Variants in RGS22 observed in about 807,000 individuals in gnomAD.
RGS22 encodes regulator of G protein signaling 22.
Under a neutral mutation model 172.9 loss-of-function variants are expected in RGS22, and 148 were observed. That is an observed-to-expected ratio of 0.86 (90% CI 0.75 to 0.98). The LOEUF is 0.98. RGS22 is among the 50% of genes least tolerant of loss of function. The pLI, the probability that RGS22 is intolerant of heterozygous loss-of-function variation, is 0.00. For synonymous variants in RGS22, 458 were observed against 480.2 expected (o/e 0.95, Z 0.60); for missense variants, 1,347 against 1,440.8 (o/e 0.93, Z 1.05).
chr8:99,967,670 C>T (rs529825977), intron 23 of RGS22, among the ~76,000 whole-genome samples: 2 of 152,188 alleles, frequency 1.3e-5, no homozygotes, highest in African/African-American at 4.8e-5. Context: ...TGTGGCCAGA[C>T]TGCCTCTCTA....
rs192260634 is a variant in RGS22, at chr8:100,004,200, C to A, written c.2455-102G>T. ...AGAAAAATCAACCATTAGGCCAAAG[C>A]CATTTAATAATTCAATGGCAGAGTG... On this transcript the variant is annotated intron_variant, in intron 16 of 27. Coordinates refer to ENST00000360863, the MANE Select transcript of RGS22 (RefSeq NM_015668.5). 3,329 of 1,365,222 alleles carry A rather than the reference C, an allele frequency of 2.4e-3. 5 individuals carry two copies. Among genetic ancestry groups the A allele is most frequent in the Non-Finnish European group, 2.9e-3 (3,026 of 1,052,236 alleles). 84.6% of individuals were successfully genotyped at this position (1,365,222 alleles called of 1,614,324 possible). A position where few individuals can be genotyped will look rare whatever the true frequency, so the allele number is the denominator to read the frequency against.
intron 14 of RGS22, among the ~76,000 whole-genome samples, chr8:100,013,562 T>C (rs1250717325): frequency 1.3e-5 from 2 of 152,224 alleles, no homozygotes; most frequent in Non-Finnish European, 2.9e-5. Context: ...CTGTTGAAGC[T>C]AAGTTTCTGT....
At chr8:100,022,409 G>A (rs1179540140) in intron 14 of RGS22, among the ~76,000 whole-genome samples, 5 of 152,114 alleles carry the variant, frequency 3.3e-5, no homozygotes, top group African/African-American at 4.8e-5. Context: ...AAAATAGAAC[G>A]TGTTAAGAAA....
At chr8:99,984,975 A>G (rs897230919) in intron 21 of RGS22, among the ~76,000 whole-genome samples, 16 of 152,134 alleles carry the variant, frequency 1.1e-4, no homozygotes, top group Non-Finnish European at 2.2e-4. Flanking sequence ...TTAGTAACCA[A>G]CGTCCTTGTT....
At chr8:100,093,679 T>C (rs1220828491) in intron 2 of RGS22, among the ~76,000 whole-genome samples, 170 bp from the exon 3 acceptor site, 2 of 152,218 alleles carry the variant, frequency 1.3e-5, no homozygotes, top group Admixed American at 1.3e-4. Flanking sequence ...TGGTGTTTTA[T>C]TGTCTCCTTC....
intron 4 of RGS22, among the ~76,000 whole-genome samples, chr8:100,078,133 G>A (rs1586224416): frequency 6.6e-6 from 1 of 151,968 alleles, no homozygotes; most frequent in African/African-American, 2.4e-5. Context: ...TTAGTTTCTT[G>A]TAGACAGCAA....
intron 2 of RGS22, among the ~76,000 whole-genome samples, chr8:100,104,442 A>C (rs1325149585): frequency 6.7e-6 from 1 of 149,260 alleles, no homozygotes; most frequent in Non-Finnish European, 1.5e-5. Flanking sequence ...GTGTACCTCT[A>C]CCTTCAGTGG....
chr8:100,063,702 A>C lies in RGS22; in HGVS notation c.1066T>G (p.Cys356Gly). 2 of 1,613,982 alleles carry C rather than the reference A, an allele frequency of 1.2e-6. No individual in the cohort carries two copies. The highest frequency in any genetic ancestry group is 1.7e-6 in the Non-Finnish European group (2 of 1,179,934). Residue 356 changes from cysteine (C) to glycine (G), a missense_variant, in exon 8 of 28, where the codon TGT becomes GGT. Coordinates refer to ENST00000360863, the MANE Select transcript of RGS22 (RefSeq NM_015668.5). ...TTCTTGCCATGAATAGACTCAAAAC[A>C]ATCATCAAATGACACTTTTGTTATA... is the stretch of plus-strand genomic sequence containing the variant. ...NNITKVSFDD[C>G]FESIHGKNFL... is the part of the protein sequence containing the mutation.
intron 2 of RGS22, among the ~76,000 whole-genome samples, chr8:100,104,536 T>A (rs2132078740): frequency 6.6e-6 from 1 of 152,208 alleles, no homozygotes; most frequent in South Asian, 2.1e-4. Flanking sequence ...AAGGTGAATG[T>A]GAAAGCCACC....
intron 9 of RGS22, among the ~76,000 whole-genome samples, chr8:100,059,994 G>A (rs992219557): frequency 2.0e-4 from 30 of 152,114 alleles, no homozygotes; most frequent in Non-Finnish European, 2.9e-4. Flanking sequence ...CCAAAGTGCT[G>A]AGATTACAGG....
chr8:99,987,718 G>T, intron 20 of RGS22, 99 bp from the exon 21 acceptor site: 1 of 745,112 alleles, frequency 1.3e-6, no homozygotes, highest in South Asian at 3.6e-5. Context: ...TGCCTGGCAT[G>T]GCTATAATAG....
intron 2 of RGS22, among the ~76,000 whole-genome samples, chr8:100,099,465 C>T (rs1016547616): frequency 6.6e-6 from 1 of 152,156 alleles, no homozygotes; most frequent in Non-Finnish European, 1.5e-5. Context: ...TTAATTCAAA[C>T]CTCACACTTA....
chr8:100,104,363 T>TA (rs1231144915), intron 2 of RGS22, among the ~76,000 whole-genome samples: 67 of 124,494 alleles, frequency 5.4e-4, no homozygotes, highest in African/African-American at 2.1e-3. Flanking sequence ...TGTGTGTGTA[T>TA]TTTTTTTTTT....
Position 100,002,199 on chromosome 8 carries a change from T to C in RGS22, c.2790+3A>G, listed in dbSNP as rs761534740. On this transcript the variant is annotated splice_donor_region_variant and intron_variant, in intron 18 of 27. Transcript: ENST00000360863. ...TTAAAAAAATAGGTTTGCATGTTGA[T>C]ACCTGGTTCTGCTGATACAGAGAAG... The C allele has an allele frequency of 6.4e-7, 1 of 1,551,442 alleles. No homozygotes were observed. Among genetic ancestry groups the C allele is most frequent in the Admixed American group, 2.2e-5 (1 of 45,028 alleles).
chr8:100,093,417 A>G (rs1812734799), intron 3 of RGS22, 30 bp downstream of exon 3: 11 of 1,353,680 alleles, frequency 8.1e-6, no homozygotes, highest in Non-Finnish European at 1.1e-5. Flanking sequence ...TTGATAATAT[A>G]TATTCAATAG....
rs149714090 is a variant in RGS22, at chr8:100,083,417, G to C, written c.118-3062C>G. 2.4e-3 allele frequency among the ~76,000 whole-genome samples: 368 copies of C among 152,260 alleles called. 2 individuals carry two copies. Among genetic ancestry groups the C allele is most frequent in the African/African-American group, 8.7e-3 (363 of 41,548 alleles). Reference sequence around the variant, plus strand: ...TGAGTCTTGCTCTGTCCTCAGGCTGGAGTGCAGTGGCGTGATCTCGGCTCA... The same window carrying C: ...TGAGTCTTGCTCTGTCCTCAGGCTGCAGTGCAGTGGCGTGATCTCGGCTCA... On this transcript the variant is annotated intron_variant, in intron 3 of 27. Transcript: ENST00000360863.
rs554807207 is a variant in RGS22, at chr8:100,034,905, T to C, written c.2166+4026A>G. On this transcript the variant is annotated intron_variant, in intron 14 of 27. Coordinates refer to ENST00000360863, the MANE Select transcript of RGS22 (RefSeq NM_015668.5). ...GTGCTGGGAAAACTGGCTAGCCATA[T>C]GTAAAAAGCTGAAACTGGATCCCCT... is the stretch of plus-strand genomic sequence containing the variant. 6.0e-4 allele frequency among the ~76,000 whole-genome samples: 92 copies of C among 152,316 alleles called. No individual in the cohort carries two copies. In the East Asian group the frequency reaches 0.011, roughly 18 times the overall value.
At chr8:100,036,070 A>G (rs982208631) in intron 14 of RGS22, among the ~76,000 whole-genome samples, 1 of 152,160 alleles carries the variant, frequency 6.6e-6, no homozygotes, top group African/African-American at 2.4e-5. Flanking sequence ...ACAAACCTGC[A>G]CGTTGTGCAC....
intron 21 of RGS22, among the ~76,000 whole-genome samples, chr8:99,984,378 G>C (rs1300442249): frequency 6.6e-6 from 1 of 152,156 alleles, no homozygotes; most frequent in Non-Finnish European, 1.5e-5. Flanking sequence ...AAACAAATTT[G>C]TGAAGTATAC....
Sources: allele counts gnomAD v4.1 joint callset (sites outside exome capture counted in the v4.1 genomes callset), GRCh38; gene constraint gnomAD v4.1.1; transcripts MANE v1.5; gene names NCBI Gene and HGNC (gene_info 2026-07-23, HGNC 2026-07-21).